HOXC5: variants seen among roughly 807,000 people sequenced by gnomAD.
HOXC5 encodes homeobox C5.
Under a neutral mutation model 20.1 loss-of-function variants are expected in HOXC5, and 19 were observed. The ratio of observed to expected loss-of-function variants is 0.94; its 90% CI spans 0.66 to 1.38. HOXC5 has a LOEUF of 1.38. HOXC5 is among the 40% of genes most tolerant of loss of function. The pLI is 0.00. For synonymous variants in HOXC5, 124 were observed against 117.0 expected (o/e 1.06, Z -0.39); for missense variants, 330 against 300.1 (o/e 1.10, Z -0.74).
the HOXC5 span, chr12:54,016,956 A>C: frequency 6.6e-5 from 10 of 152,076 alleles, no homozygotes; most frequent in East Asian, 2.0e-4. Context: ...TCCCTTCATT[A>C]GCAGTATTTT....
Position 54,033,549 on chromosome 12 carries a change from T to C in HOXC5, c.427T>C (p.Trp143Arg). 2 of 1,596,294 alleles carry C rather than the reference T, an allele frequency of 1.3e-6. No homozygotes were observed. The highest frequency in any genetic ancestry group is 1.7e-6 in the Non-Finnish European group (2 of 1,175,876). The stretch of plus-strand genomic sequence containing the variant: ...ACCGGCCCCGCCACAGATTTACCCG[T>C]GGATGACCAAACTGCACATGAGCCA... ...QPPAPPQIYP[W>R]MTKLHMSHET... Residue 143 changes from tryptophan to arginine, a missense_variant, in exon 1 of 2, where the codon TGG becomes CGG. Coordinates refer to ENST00000312492, the MANE Select transcript of HOXC5 (RefSeq NM_018953.4).
chr12:54,034,933 C>G lies in HOXC5; in HGVS notation c.*441C>G, dbSNP rs1941144850. ...TTTGTTCCCGGCTGGACGGGTTAGA[C>G]AGCCAAAGGCTGGCGAGAGTCTGGC... is the stretch of plus-strand genomic sequence containing the variant. On this transcript the variant is annotated 3_prime_UTR_variant, in exon 2 of 2. Transcript: ENST00000312492. 5.0e-6 allele frequency: 1 copy of G among 200,172 alleles called. No individual in the cohort carries two copies. The highest frequency in any genetic ancestry group is 1.0e-5 in the Non-Finnish European group (1 of 96,424). 12.4% of individuals were successfully genotyped at this position (200,172 alleles called of 1,614,324 possible).
At position 54,033,454 on chromosome 12, in the gene HOXC5, G is replaced by A. The variant is rs774101949; in HGVS notation, c.332G>A (p.Arg111Gln). Residue 111 changes from arginine (R) to glutamine (Q), a missense_variant, in exon 1 of 2, where the codon CGA (arginine) becomes CAA (glutamine). Arg to Gln is a conservative substitution (Grantham distance 43). Transcript: ENST00000312492. Reference sequence around the variant, plus strand: ...GCGGCTCGCCCGGCGCTGGAGGAGCGAGCTAAGAGCAGTGGGGAGATCAAA... The same window carrying A: ...GCGGCTCGCCCGGCGCTGGAGGAGCAAGCTAAGAGCAGTGGGGAGATCAAA... ...QKAARPALEE[R>Q]AKSSGEIKEE... 3 of 1,599,398 alleles carry A rather than the reference G, an allele frequency of 1.9e-6. No homozygotes were observed. The highest frequency in any genetic ancestry group is 1.7e-6 in the Non-Finnish European group (2 of 1,174,488).
upstream of HOXC5, chr12:54,028,261 ATATATATT>A (rs147500259): frequency 0.42 from 90,589 of 213,860 alleles, 19,452 homozygotes; most frequent in East Asian, 0.61. Flanking sequence ...ATATATATAT[ATATATATT>A]TTTTAAAAGA....
At chr12:54,032,549 T>C (rs1941024878), upstream of HOXC5, among the ~76,000 whole-genome samples, 1 of 152,056 alleles carries the variant, frequency 6.6e-6, no homozygotes, top group African/African-American at 2.4e-5. Flanking sequence ...ACCCTGGAGG[T>C]TGGGAGAACG....
chr12:54,031,080 G>A (rs1940967511), upstream of HOXC5, among the ~76,000 whole-genome samples: 1 of 152,268 alleles, frequency 6.6e-6, no homozygotes, highest in Non-Finnish European at 1.5e-5. Flanking sequence ...TTTTGTTGCG[G>A]GGGGAGCTGG....
Position 54,034,293 on chromosome 12 carries a change from G to C in HOXC5, c.470G>C (p.Arg157Pro), listed in dbSNP as rs149168463. 3.1e-6 allele frequency: 5 copies of C among 1,613,650 alleles called. No homozygotes were observed. The highest frequency in any genetic ancestry group is 1.7e-5 in the Admixed American group (1 of 60,018). The stretch of plus-strand genomic sequence containing the variant: ...TATGTTCCAGAGACGGACGGCAAGC[G>C]GTCCCGAACCAGTTACACGCGCTAC... ...LHMSHETDGK[R>P]SRTSYTRYQT... is the part of the protein sequence containing the mutation. Residue 157 changes from arginine (R) to proline (P), a missense_variant, in exon 2 of 2, where the codon CGG becomes CCG. Transcript: ENST00000312492.
At chr12:54,028,401 A>T, upstream of HOXC5, 1 of 1,141,496 alleles carries the variant, frequency 8.8e-7, no homozygotes, top group Non-Finnish European at 1.2e-6. Context: ...GGGTCAGCTG[A>T]CTTTGTCATT....
chr12:54,021,547 A>T, the HOXC5 span: 2 of 152,394 alleles, frequency 1.3e-5, no homozygotes, highest in East Asian at 3.9e-4. Context: ...AGCAGGGACC[A>T]GAGCGGGGCT....
rs749552740 is a variant in HOXC5 at position 54,033,546 on chromosome 12, C to T, written c.424C>T (p.Pro142Ser). 1 of 1,596,392 alleles carries T rather than the reference C, an allele frequency of 6.3e-7. No individual in the cohort carries two copies. Among genetic ancestry groups the T allele is most frequent in the Non-Finnish European group, 8.5e-7 (1 of 1,175,816 alleles). ...GCCACCGGCCCCGCCACAGATTTAC[C>T]CGTGGATGACCAAACTGCACATGAG... ...SQPPAPPQIY[P>S]WMTKLHMSHE... Residue 142 changes from proline to serine, a missense_variant, in exon 1 of 2, where the codon CCG (proline) becomes TCG (serine). Pro to Ser is a moderately conservative substitution (Grantham distance 74). Coordinates refer to ENST00000312492, the MANE Select transcript of HOXC5 (RefSeq NM_018953.4).
chr12:54,029,182 G>T (rs1428117571), upstream of HOXC5, among the ~76,000 whole-genome samples: 1 of 152,224 alleles, frequency 6.6e-6, no homozygotes, highest in African/African-American at 2.4e-5. Flanking sequence ...GGGATGAGGG[G>T]AGGGAGCAGA....
At chr12:54,023,124 C>A in the HOXC5 span, among the ~76,000 whole-genome samples, 1 of 152,228 alleles carries the variant, frequency 6.6e-6, no homozygotes, top group Admixed American at 6.5e-5. Flanking sequence ...CCCAGGCTCT[C>A]CCCAAGCCCC....
chr12:54,033,536 A>G lies in HOXC5; in HGVS notation c.414A>G (p.Pro138=). The stretch of plus-strand genomic sequence containing the variant: ...GACTGAGCCAGCCACCGGCCCCGCC[A>G]CAGATTTACCCGTGGATGACCAAAC... ...PAGLSQPPAP[P]QIYPWMTKLH... Residue 138 remains proline (P), a synonymous_variant, in exon 1 of 2, where the codon CCA becomes CCG. Transcript: ENST00000312492. The G allele has an allele frequency of 3.1e-6, 5 of 1,598,384 alleles. No homozygotes were observed. The highest frequency in any genetic ancestry group is 4.2e-6 in the Non-Finnish European group (5 of 1,176,612).
chr12:54,035,057 T>C lies in HOXC5; in HGVS notation c.*565T>C, dbSNP rs923462918. 6.4e-6 allele frequency: 1 copy of C among 157,030 alleles called. No individual in the cohort carries two copies. The highest frequency in any genetic ancestry group is 1.4e-5 in the Non-Finnish European group (1 of 70,778). 9.7% of individuals were successfully genotyped at this position (157,030 alleles called of 1,614,324 possible). Reference sequence around the variant, plus strand: ...AGCATCGGCCTAGGGCCCCCACAGTTGCTCTATGCTTTCCAAACCTTATCT... The same window carrying C: ...AGCATCGGCCTAGGGCCCCCACAGTCGCTCTATGCTTTCCAAACCTTATCT... On this transcript the variant is annotated 3_prime_UTR_variant, in exon 2 of 2. Coordinates refer to ENST00000312492, the MANE Select transcript of HOXC5 (RefSeq NM_018953.4).
the HOXC5 span, among the ~76,000 whole-genome samples, chr12:54,024,965 A>G: frequency 6.6e-6 from 1 of 152,118 alleles, no homozygotes; most frequent in African/African-American, 2.4e-5. Context: ...TGTTTTTTGA[A>G]TTCTGTTTTT....
chr12:54,018,884 G>A, the HOXC5 span, among the ~76,000 whole-genome samples: 8 of 152,296 alleles, frequency 5.3e-5, no homozygotes, highest in Admixed American at 2.0e-4. Context: ...TCTGCGCCAA[G>A]TCCCAGTGGG....
chr12:54,019,568 G>T, the HOXC5 span, among the ~76,000 whole-genome samples: 1 of 152,112 alleles, frequency 6.6e-6, no homozygotes, highest in East Asian at 1.9e-4. Flanking sequence ...GGCCGCTGAT[G>T]GGGGGGAACA....
chr12:54,030,017 C>T, upstream of HOXC5: 4 of 1,402,984 alleles, frequency 2.9e-6, no homozygotes, highest in Non-Finnish European at 3.8e-6. Context: ...CCCACCAACT[C>T]TCCCCTAATC....
At chr12:54,033,867 C>T (rs1027457427) in intron 1 of HOXC5, 1 of 407,004 alleles carries the variant, frequency 2.5e-6, no homozygotes, top group South Asian at 2.2e-5. Context: ...GGCTCCAGAG[C>T]GGGGATCCCC....
Sources: allele counts gnomAD v4.1 joint callset (sites outside exome capture counted in the v4.1 genomes callset), GRCh38; gene constraint gnomAD v4.1.1; transcripts MANE v1.5; gene names NCBI Gene and HGNC (gene_info 2026-07-23, HGNC 2026-07-21).